GABRB1: variants seen among roughly 807,000 people sequenced by gnomAD.
GABRB1 encodes the protein gamma-aminobutyric acid receptor subunit beta-1.
In GABRB1, 17 loss-of-function variants were observed where a neutral mutation model predicts 51.6. That is an observed-to-expected ratio of 0.33 (90% confidence interval 0.23 to 0.49). The LOEUF is 0.49. Ranked by LOEUF, GABRB1 falls within the 20% of genes least tolerant of loss-of-function variation. The pLI is 0.99. For synonymous variants in GABRB1, 247 were observed against 218.9 expected (o/e 1.13, Z -1.14); for missense variants, 410 against 600.6 (o/e 0.68, Z 3.32).
chr4:47,342,030 T>A (rs1725919382), intron 5 of GABRB1, among the ~76,000 whole-genome samples: 1 of 152,168 alleles, frequency 6.6e-6, no homozygotes, highest in Non-Finnish European at 1.5e-5. Flanking sequence ...AGCATTGAGG[T>A]CAAACTCACA....
At chr4:47,003,195 T>C (rs971031504) in intron 1 of GABRB1, among the ~76,000 whole-genome samples, 1 of 152,208 alleles carries the variant, frequency 6.6e-6, no homozygotes, top group Non-Finnish European at 1.5e-5. Flanking sequence ...AGTACCCTTT[T>C]CTATTTTATC....
intron 4 of GABRB1, among the ~76,000 whole-genome samples, chr4:47,185,973 G>A (rs1719162328): frequency 6.6e-6 from 1 of 151,698 alleles, no homozygotes; most frequent in African/African-American, 2.4e-5. Context: ...ACCATGCGTG[G>A]CTATGCTATA....
At chr4:47,364,265 G>T (rs1229011728) in intron 5 of GABRB1, among the ~76,000 whole-genome samples, 2 of 152,152 alleles carry the variant, frequency 1.3e-5, no homozygotes, top group African/African-American at 4.8e-5. Flanking sequence ...ATTAAAAAGT[G>T]GAAGGACAAA....
chr4:47,214,132 T>C (rs570001762), intron 4 of GABRB1, among the ~76,000 whole-genome samples: 27 of 152,282 alleles, frequency 1.8e-4, no homozygotes, highest in Non-Finnish European at 3.2e-4. Flanking sequence ...GAATAATAGA[T>C]GGTTGTTCTC....
At chr4:47,283,089 T>C (rs1723351526) in intron 4 of GABRB1, among the ~76,000 whole-genome samples, 2 of 152,168 alleles carry the variant, frequency 1.3e-5, no homozygotes, top group Non-Finnish European at 2.9e-5. Context: ...TTTGTTTACA[T>C]GTCTGTCTGT....
At chr4:47,123,489 TCA>T (rs1715899666) in intron 3 of GABRB1, among the ~76,000 whole-genome samples, 12 of 98,858 alleles carry the variant, frequency 1.2e-4, no homozygotes, top group East Asian at 6.1e-4. Flanking sequence ...TTACATTATT[TCA>T]TATATTATAA....
intron 3 of GABRB1, among the ~76,000 whole-genome samples, chr4:47,063,137 C>T (rs1726913254): frequency 6.6e-6 from 1 of 152,198 alleles, no homozygotes; most frequent in African/African-American, 2.4e-5. Context: ...AAGCTCGTCT[C>T]TCACCTTTCT....
chr4:47,406,547 C>A, intron 7 of GABRB1, 135 bp from the exon 8 acceptor site: 2 of 1,039,170 alleles, frequency 1.9e-6, no homozygotes, highest in African/African-American at 1.6e-5. Context: ...CCCTTTTTGC[C>A]CAATGGTTTA....
intron 5 of GABRB1, among the ~76,000 whole-genome samples, chr4:47,384,637 G>A (rs537594190): frequency 6.6e-6 from 1 of 152,016 alleles, no homozygotes; most frequent in South Asian, 2.1e-4. Context: ...TCAAATCTGG[G>A]GTTTCAGGCC....
intron 5 of GABRB1, among the ~76,000 whole-genome samples, chr4:47,363,268 G>A (rs1449544750): frequency 6.6e-6 from 1 of 152,144 alleles, no homozygotes; most frequent in Non-Finnish European, 1.5e-5. Flanking sequence ...ACAAACTACT[G>A]AGTGTCAGAG....
chr4:47,070,507 T>C (rs948687417), intron 3 of GABRB1, among the ~76,000 whole-genome samples: 9 of 151,904 alleles, frequency 5.9e-5, no homozygotes, highest in Non-Finnish European at 1.2e-4. Context: ...AGTTTTTGTA[T>C]TTTTAGTACA....
intron 4 of GABRB1, among the ~76,000 whole-genome samples, chr4:47,312,748 T>G (rs1004141477): frequency 6.6e-6 from 1 of 152,174 alleles, no homozygotes; most frequent in Admixed American, 6.5e-5. Context: ...CCTGATAAAA[T>G]TCATGATTAT....
At chr4:47,125,230 G>A (rs1716060997) in intron 3 of GABRB1, among the ~76,000 whole-genome samples, 1 of 152,084 alleles carries the variant, frequency 6.6e-6, no homozygotes, top group Admixed American at 6.6e-5. Context: ...TCCCAGCAAA[G>A]CTCTGGGAGA....
rs1716085126 is a variant in GABRB1 at position 47,125,559 on chromosome 4, C to CCTTTTTTTTTTTT, written c.241-35690_241-35689insCTTTTTTTTTTTT. Among the ~76,000 whole-genome samples the CCTTTTTTTTTTTT allele has an allele frequency of 1.7e-4, 14 of 80,716 alleles. No individual in the cohort carries two copies. The South Asian group carries it at 5.3e-3, about 31-fold the overall frequency. 53.0% of individuals were successfully genotyped at this position (80,716 alleles called of 152,430 possible). A position where few individuals can be genotyped will look rare whatever the true frequency, so the allele number is the denominator to read the frequency against. On this transcript the variant is annotated intron_variant, in intron 3 of 8. Coordinates refer to ENST00000295454, the MANE Select transcript of GABRB1 (RefSeq NM_000812.4). ...CTCTAGACACAACAAAGTATAATTT[C>CCTTTTTTTTTTTT]TTTTTTTTTTTTTTGAGACGGAGTC...
intron 4 of GABRB1, among the ~76,000 whole-genome samples, chr4:47,232,299 C>T (rs1721168088): frequency 6.6e-6 from 1 of 152,112 alleles, no homozygotes; most frequent in Admixed American, 6.5e-5. Flanking sequence ...AATTTTAATT[C>T]TTACCCTACT....
At chr4:47,400,546 C>CTCTCTT (rs1553882302) in intron 5 of GABRB1, among the ~76,000 whole-genome samples, 144 of 150,854 alleles carry the variant, frequency 9.5e-4, no homozygotes, top group African/African-American at 3.1e-3. Flanking sequence ...CTCTCTCTCT[C>CTCTCTT]TCTCTCTCAG....
chr4:47,041,904 A>G (rs1725861110), intron 3 of GABRB1, among the ~76,000 whole-genome samples: 1 of 151,804 alleles, frequency 6.6e-6, no homozygotes, highest in African/African-American at 2.4e-5. Flanking sequence ...TTCAAATCGT[A>G]TTTTTTCTAT....
At chr4:47,397,571 T>A (rs572189390) in intron 5 of GABRB1, among the ~76,000 whole-genome samples, 13 of 152,230 alleles carry the variant, frequency 8.5e-5, no homozygotes, top group African/African-American at 3.1e-4. Context: ...TTTCTACTTT[T>A]TTTTTTCTTT....
At chr4:47,344,266 A>G (rs16860133) in intron 5 of GABRB1, among the ~76,000 whole-genome samples, 2,206 of 152,274 alleles carry the variant, frequency 0.014, 45 homozygotes, top group African/African-American at 0.05. Context: ...TGTACTTCAA[A>G]ATTCTTCCCT....
Sources: gnomAD v4.1 joint callset for allele counts (sites outside exome capture counted in the v4.1 genomes callset) on GRCh38, gnomAD v4.1.1 for gene constraint, MANE v1.5 for transcripts, NCBI Gene and HGNC (gene_info 2026-07-23, HGNC 2026-07-21) for gene names.